PRKN: variants seen among roughly 807,000 people sequenced by gnomAD.
PRKN encodes parkin RBR E3 ubiquitin protein ligase, also known as E3 ubiquitin-protein ligase parkin.
PRKN carries 56 observed loss-of-function variants against 59.5 expected under a neutral mutation model. The observed-to-expected ratio is 0.94, with a 90% CI of 0.76 to 1.18. The LOEUF (loss-of-function observed/expected upper bound fraction) is 1.18, where lower values mean the gene tolerates loss of function less well. Among genes scored for constraint, PRKN ranks in the 50% most tolerant of loss-of-function variants. PRKN has a pLI of 0.00. For missense variants in PRKN, 657 were observed against 596.4 expected (o/e 1.10, Z -1.06); for synonymous variants, 250 against 222.1 (o/e 1.13, Z -1.12).
chr6:161,541,088 A>T (rs903518223), intron 9 of PRKN, among the ~76,000 whole-genome samples: 1 of 152,126 alleles, frequency 6.6e-6, no homozygotes, highest in Admixed American at 6.5e-5. Flanking sequence ...TGCAAATGTT[A>T]TTCCTTGGAC....
chr6:162,291,954 T>C (rs923497234), intron 2 of PRKN, among the ~76,000 whole-genome samples: 2 of 135,218 alleles, frequency 1.5e-5, no homozygotes, highest in African/African-American at 6.1e-5. Context: ...TTACTATTAT[T>C]ATTATTGTTT....
At chr6:162,101,288 C>T (rs961423481) in intron 4 of PRKN, among the ~76,000 whole-genome samples, 1 of 151,426 alleles carries the variant, frequency 6.6e-6, no homozygotes, top group Non-Finnish European at 1.5e-5. Context: ...TTTCCTTCTT[C>T]TGCTTGTGGA....
At chr6:161,885,177 C>T (rs1795088737) in intron 6 of PRKN, among the ~76,000 whole-genome samples, 1 of 151,792 alleles carries the variant, frequency 6.6e-6, no homozygotes, top group African/African-American at 2.4e-5. Context: ...CAGGCTTCAC[C>T]CCGGACCTAC....
intron 9 of PRKN, among the ~76,000 whole-genome samples, chr6:161,433,877 C>T (rs1328353744): frequency 1.3e-5 from 2 of 151,958 alleles, no homozygotes; most frequent in Non-Finnish European, 2.9e-5. Flanking sequence ...ATTAGCCAGG[C>T]GTGGTGGCAC....
chr6:162,405,744 G>A (rs1306922120), intron 2 of PRKN, among the ~76,000 whole-genome samples: 1 of 152,102 alleles, frequency 6.6e-6, no homozygotes, highest in Non-Finnish European at 1.5e-5. Context: ...AACGCTACGC[G>A]GGGGTGTAGT....
At chr6:162,531,622 T>G (rs1035729146) in intron 1 of PRKN, among the ~76,000 whole-genome samples, 1 of 150,986 alleles carries the variant, frequency 6.6e-6, no homozygotes, top group Admixed American at 6.6e-5. Context: ...AGCTGATCCA[T>G]CAAGTGCAGG....
At position 161,583,532 on chromosome 6, in the gene PRKN, A is replaced by G. The variant is rs9365303; in HGVS notation, c.872-14116T>C. ...AATTCCCTTTTTAAAGGTGTTTTTCAAAATTAAAATAGCTTTGTTTTCATT... is the reference window on the plus strand; with the variant it reads ...AATTCCCTTTTTAAAGGTGTTTTTCGAAATTAAAATAGCTTTGTTTTCATT... On this transcript the variant is annotated intron_variant, in intron 7 of 11. Transcript: ENST00000366898. Among the ~76,000 whole-genome samples, 967 of 152,256 alleles carry G rather than the reference A, an allele frequency of 6.4e-3. 27 individuals are homozygous for G. The East Asian group carries it at 0.078, about 12-fold the overall frequency.
At chr6:161,797,386 C>A (rs1246723087) in intron 6 of PRKN, among the ~76,000 whole-genome samples, 1 of 152,140 alleles carries the variant, frequency 6.6e-6, no homozygotes, top group African/African-American at 2.4e-5. Context: ...TGTGCCTCAG[C>A]CCCCTACGTA....
chr6:161,874,220 A>C (rs1241367937), intron 6 of PRKN, among the ~76,000 whole-genome samples: 2 of 32,252 alleles, frequency 6.2e-5, no homozygotes, highest in Non-Finnish European at 1.1e-4. Flanking sequence ...AAAATATAAT[A>C]TATATTATAT....
intron 4 of PRKN, among the ~76,000 whole-genome samples, chr6:162,128,724 G>T (rs1278083746): frequency 2.6e-5 from 4 of 152,210 alleles, no homozygotes; most frequent in African/African-American, 9.6e-5. Context: ...TTTGGGAAGT[G>T]ATTAGGTCAC....
chr6:161,899,783 G>A (rs1262003071), intron 6 of PRKN, among the ~76,000 whole-genome samples: 1 of 152,172 alleles, frequency 6.6e-6, no homozygotes, highest in East Asian at 1.9e-4. Flanking sequence ...TGTACTATGT[G>A]TGTATTGTGG....
chr6:161,690,663 C>T (rs1364098734), intron 7 of PRKN, among the ~76,000 whole-genome samples: 1 of 152,076 alleles, frequency 6.6e-6, no homozygotes, highest in African/African-American at 2.4e-5. Flanking sequence ...ACTAAGGACC[C>T]GAACAGAACA....
At chr6:162,162,685 A>AG (rs1450348159) in intron 4 of PRKN, among the ~76,000 whole-genome samples, 4 of 152,148 alleles carry the variant, frequency 2.6e-5, no homozygotes, top group Non-Finnish European at 5.9e-5. Flanking sequence ...AATGCAAAAA[A>AG]TTTTCCCTAA....
chr6:162,387,289 A>G (rs1419556477), intron 2 of PRKN, among the ~76,000 whole-genome samples: 3 of 151,252 alleles, frequency 2.0e-5, no homozygotes. Flanking sequence ...GAAGGCTGTG[A>G]TAATTTTTAT....
At chr6:161,609,085 T>C (rs1172273265) in intron 7 of PRKN, among the ~76,000 whole-genome samples, 2 of 152,196 alleles carry the variant, frequency 1.3e-5, no homozygotes, top group Non-Finnish European at 1.5e-5. Flanking sequence ...GTTGAGAGCA[T>C]GGTATTTGGA....
At position 161,565,623 on chromosome 6, in the gene PRKN, C is replaced by T. The variant is rs141365330; in HGVS notation, c.933+3732G>A. Among the ~76,000 whole-genome samples the T allele has an allele frequency of 2.3e-3, 349 of 152,242 alleles. 1 individual carries two copies. Among genetic ancestry groups the T allele is most frequent in the African/African-American group, 7.2e-3 (301 of 41,548 alleles). The stretch of plus-strand genomic sequence containing the variant: ...GGTACCTTGCTTCCCCTTCGCCTTC[C>T]GTCATGATTGTAAGTTTCCTGAGGC... On this transcript the variant is annotated intron_variant, in intron 8 of 11. Coordinates refer to ENST00000366898, the MANE Select transcript of PRKN (RefSeq NM_004562.3).
intron 7 of PRKN, among the ~76,000 whole-genome samples, chr6:161,600,335 G>C (rs1782062349): frequency 6.6e-6 from 1 of 152,046 alleles, no homozygotes; most frequent in Admixed American, 6.5e-5. Context: ...CATCTGGGTG[G>C]ACTTCTTCCA....
chr6:161,851,824 C>T (rs1350871357), intron 6 of PRKN, among the ~76,000 whole-genome samples: 12 of 151,644 alleles, frequency 7.9e-5, no homozygotes, highest in South Asian at 2.1e-4. Context: ...CAGTGGCTCA[C>T]GCCTGTAATC....
intron 2 of PRKN, among the ~76,000 whole-genome samples, chr6:162,405,966 GCAA>G (rs1788047007): frequency 2.0e-5 from 3 of 152,058 alleles, no homozygotes; most frequent in African/African-American, 7.2e-5. Context: ...TAAAAAGATG[GCAA>G]CAACAAGCAA....
Sources: allele counts gnomAD v4.1 joint callset (sites outside exome capture counted in the v4.1 genomes callset), GRCh38; gene constraint gnomAD v4.1.1; transcripts MANE v1.5; gene names NCBI Gene and HGNC (gene_info 2026-07-23, HGNC 2026-07-21).